DHRSX: variants seen among roughly 807,000 people sequenced by gnomAD.
DHRSX encodes dehydrogenase/reductase X-linked.
In DHRSX, 31 loss-of-function variants were observed where a neutral mutation model predicts 34.0. The observed-to-expected ratio is 0.91, with a 90% CI of 0.69 to 1.23. The LOEUF (loss-of-function observed/expected upper bound fraction) is 1.23. DHRSX is among the 50% of genes most tolerant of loss of function. DHRSX has a pLI of 0.00. For missense variants in DHRSX, 414 were observed against 428.1 expected (o/e 0.97, Z 0.29); for synonymous variants, 201 against 183.8 (o/e 1.09, Z -0.76).
intron 6 of DHRSX, among the ~76,000 whole-genome samples, chrX:2,229,085 C>A (rs1374316943): frequency 6.6e-6 from 1 of 152,156 alleles, no homozygotes; most frequent in Non-Finnish European, 1.5e-5. Context: ...GGAAATGTTG[C>A]TATTTGAATG....
chrX:2,291,928 C>T (rs2041871945), intron 3 of DHRSX, among the ~76,000 whole-genome samples: 1 of 115,570 alleles, frequency 8.7e-6, no homozygotes, highest in Non-Finnish European at 1.7e-5. Flanking sequence ...TTAGTAGAGA[C>T]AATGTTTCAC....
chrX:2,330,071 G>A (rs62583702), intron 3 of DHRSX, among the ~76,000 whole-genome samples: 3,295 of 6,926 alleles, frequency 0.48, 655 homozygotes, highest in Middle Eastern at 1. Context: ...GCAGAGAGAC[G>A]GCGGGGGGGG....
intron 2 of DHRSX, among the ~76,000 whole-genome samples, chrX:2,419,860 C>T (rs1298269132): frequency 6.6e-5 from 10 of 151,244 alleles, no homozygotes; most frequent in Non-Finnish European, 1.5e-4. Flanking sequence ...GGAGATATAC[C>T]TAATGCTAAA....
rs181546684 is a variant in DHRSX at position 2,274,963 on chromosome X, C to T, written c.389-8016G>A. On this transcript the variant is annotated intron_variant, in intron 4 of 6. Transcript: ENST00000334651. The stretch of plus-strand genomic sequence containing the variant: ...GAGATTGGATGGGTGCCTGAGATGC[C>T]TGTTAGGAGGCCATTATCATGGCCT... Among the ~76,000 whole-genome samples, 17 of 152,126 alleles carry T rather than the reference C, an allele frequency of 1.1e-4. No individual in the cohort carries two copies. In the East Asian group the frequency reaches 3.3e-3, roughly 29 times the overall value.
intron 6 of DHRSX, among the ~76,000 whole-genome samples, chrX:2,236,977 CTG>C (rs1457291752): frequency 4.0e-5 from 6 of 151,878 alleles, no homozygotes; most frequent in Non-Finnish European, 7.4e-5. Flanking sequence ...TCACTCGAGA[CTG>C]TGAGTTCGAG....
intron 3 of DHRSX, among the ~76,000 whole-genome samples, chrX:2,298,602 AC>A (rs2041964883): frequency 1.5e-4 from 2 of 13,710 alleles, no homozygotes; most frequent in Admixed American, 1.6e-3. Flanking sequence ...GCGCGTGTGT[AC>A]ACACACACAC....
intron 3 of DHRSX, among the ~76,000 whole-genome samples, chrX:2,379,342 T>G: frequency 6.6e-6 from 1 of 152,340 alleles, no homozygotes; most frequent in Middle Eastern, 3.4e-3. Context: ...CCTTGATAAC[T>G]GTGCCAATGA....
intron 1 of DHRSX, among the ~76,000 whole-genome samples, chrX:2,434,842 T>C (rs1426889226): frequency 6.6e-6 from 1 of 152,210 alleles, no homozygotes; most frequent in African/African-American, 2.4e-5. Flanking sequence ...CGCCATTTTA[T>C]AAAAGACTTT....
chrX:2,249,743 C>T (rs2016392565), intron 5 of DHRSX, among the ~76,000 whole-genome samples: 1 of 151,518 alleles, frequency 6.6e-6, no homozygotes. Context: ...AGGCCAGTCT[C>T]GAACTCCTGA....
intron 3 of DHRSX, among the ~76,000 whole-genome samples, chrX:2,342,893 G>A (rs889010784): frequency 1.1e-4 from 17 of 152,036 alleles, no homozygotes; most frequent in Admixed American, 3.3e-4. Flanking sequence ...CATCAGGTAC[G>A]CACAGGAGAT....
chrX:2,414,895 A>G (rs914540714), intron 2 of DHRSX, among the ~76,000 whole-genome samples: 6 of 151,900 alleles, frequency 3.9e-5, no homozygotes, highest in Admixed American at 3.3e-4. Context: ...ATAATGACCA[A>G]TCCCACTAGA....
At chrX:2,291,888 A>AT (rs2041870137) in intron 3 of DHRSX, among the ~76,000 whole-genome samples, 2 of 89,280 alleles carry the variant, frequency 2.2e-5, no homozygotes, top group African/African-American at 9.2e-5. Context: ...TAATTTTTGT[A>AT]TTTTTGTATT....
intron 1 of DHRSX, among the ~76,000 whole-genome samples, chrX:2,470,937 G>A (rs1164083419): frequency 2.0e-5 from 3 of 152,180 alleles, no homozygotes; most frequent in Non-Finnish European, 4.4e-5. Context: ...ATGTTAATTA[G>A]CTTCAATGTT....
At chrX:2,276,127 C>G (rs184483064) in intron 4 of DHRSX, among the ~76,000 whole-genome samples, 3,938 of 152,302 alleles carry the variant, frequency 0.026, 169 homozygotes, top group African/African-American at 0.088. Flanking sequence ...CAGGCGTGGG[C>G]CATCGCGCCC....
intron 3 of DHRSX, among the ~76,000 whole-genome samples, chrX:2,349,748 G>A (rs1009549961): frequency 2.6e-5 from 4 of 151,954 alleles, no homozygotes; most frequent in East Asian, 1.9e-4. Flanking sequence ...AGCCTTAAAC[G>A]GAAGGTAATT....
chrX:2,362,857 G>A (rs185085528), intron 3 of DHRSX, among the ~76,000 whole-genome samples: 34 of 78,602 alleles, frequency 4.3e-4, no homozygotes, highest in African/African-American at 9.5e-4. Flanking sequence ...GTATCATGCC[G>A]CCATTTTATC....
intron 1 of DHRSX, among the ~76,000 whole-genome samples, chrX:2,462,102 C>T (rs1046391214): frequency 6.6e-6 from 1 of 151,696 alleles, no homozygotes; most frequent in Non-Finnish European, 1.5e-5. Flanking sequence ...ATATGTATTA[C>T]CTAAGGAAAC....
chrX:2,478,540 CA>C (rs2044716500), intron 1 of DHRSX, among the ~76,000 whole-genome samples: 1 of 80,950 alleles, frequency 1.2e-5, no homozygotes, highest in Non-Finnish European at 2.7e-5. Flanking sequence ...AAGGGACCAC[CA>C]GTGTGTACAC....
At chrX:2,426,606 TTTCC>T (rs2043852184) in intron 1 of DHRSX, among the ~76,000 whole-genome samples, 2 of 142,912 alleles carry the variant, frequency 1.4e-5, no homozygotes, top group African/African-American at 5.2e-5. Flanking sequence ...TCTTTCCTTC[TTTCC>T]TTTCCTCTTT....
Sources: allele counts gnomAD v4.1 joint callset (sites outside exome capture counted in the v4.1 genomes callset), GRCh38; gene constraint gnomAD v4.1.1; transcripts MANE v1.5; gene names NCBI Gene and HGNC (gene_info 2026-07-23, HGNC 2026-07-21).